The following ITGA2 variants were observed in gnomAD, a reference collection of about 807,000 sequenced individuals.
ITGA2 encodes integrin alpha-2.
In ITGA2, 101 loss-of-function variants were observed where a neutral mutation model predicts 146.3. The observed-to-expected ratio is 0.69, with a 90% CI of 0.59 to 0.81. The LOEUF is 0.81. Ranked by LOEUF, ITGA2 falls within the 40% of genes least tolerant of loss-of-function variation. The pLI, the probability that ITGA2 is intolerant of heterozygous loss-of-function variation, is 0.00. For missense variants in ITGA2, 1,281 were observed against 1,402.7 expected (o/e 0.91, Z 1.39); for synonymous variants, 477 against 487.1 (o/e 0.98, Z 0.27).
chr5:53,044,080 A>G (rs1579842847), intron 3 of ITGA2, among the ~76,000 whole-genome samples: 1 of 151,560 alleles, frequency 6.6e-6, no homozygotes, highest in Non-Finnish European at 1.5e-5. Context: ...TTCAAGACCA[A>G]CCTGGGCAAC....
chr5:53,055,910 A>C, intron 8 of ITGA2, 74 bp from the exon 9 acceptor site: 2 of 1,436,994 alleles, frequency 1.4e-6, no homozygotes, highest in Admixed American at 1.8e-5. Context: ...ATTGTGTTCA[A>C]AATAGGCTAG....
At chr5:52,999,374 G>A (rs1243004926) in intron 1 of ITGA2, among the ~76,000 whole-genome samples, 5 of 151,976 alleles carry the variant, frequency 3.3e-5, no homozygotes, top group African/African-American at 1.2e-4. Context: ...TGCATAAAAG[G>A]TAAATGTACA....
At chr5:53,065,201 C>A (rs1476273063) in intron 14 of ITGA2, 86 bp downstream of exon 14, 3 of 1,306,312 alleles carry the variant, frequency 2.3e-6, no homozygotes, top group South Asian at 2.4e-5. Flanking sequence ...CCATGCAATC[C>A]GTCCGCCTTA....
At chr5:53,047,016 T>G (rs1470035385) in intron 4 of ITGA2, among the ~76,000 whole-genome samples, 1 of 152,208 alleles carries the variant, frequency 6.6e-6, no homozygotes, top group African/African-American at 2.4e-5. Context: ...TTAGTATCTG[T>G]TATTTGGTAA....
intron 23 of ITGA2, 123 bp from the exon 24 acceptor site, chr5:53,078,649 C>T: frequency 3.0e-6 from 2 of 668,888 alleles, no homozygotes; most frequent in Non-Finnish European, 5.3e-6. Context: ...TTATTTGGTG[C>T]TTTTGTAACT....
At chr5:53,071,627 G>T (rs1745403050) in intron 17 of ITGA2, among the ~76,000 whole-genome samples, 1 of 151,780 alleles carries the variant, frequency 6.6e-6, no homozygotes, top group South Asian at 2.1e-4. Context: ...AAATGTTAGG[G>T]TTTCATTTGT....
chr5:53,053,104 G>A (rs1232960471), intron 7 of ITGA2, among the ~76,000 whole-genome samples: 1 of 152,076 alleles, frequency 6.6e-6, no homozygotes, highest in Non-Finnish European at 1.5e-5. Context: ...TAAAAATTTG[G>A]TTTCCTTTAT....
chr5:53,068,218 A>T (rs572443354), intron 16 of ITGA2, among the ~76,000 whole-genome samples: 4 of 152,018 alleles, frequency 2.6e-5, no homozygotes, highest in Non-Finnish European at 2.9e-5. Context: ...ATTAGATTCA[A>T]ATCTTAACAT....
intron 2 of ITGA2, among the ~76,000 whole-genome samples, chr5:53,035,995 A>G (rs537839558): frequency 5.3e-5 from 8 of 152,190 alleles, no homozygotes; most frequent in Admixed American, 5.2e-4. Flanking sequence ...GGTAGTGACT[A>G]GTTTCTTTTA....
chr5:52,996,138 G>C (rs779909754), intron 1 of ITGA2, among the ~76,000 whole-genome samples: 1 of 152,144 alleles, frequency 6.6e-6, no homozygotes, highest in East Asian at 1.9e-4. Flanking sequence ...AAAGGGAGGA[G>C]AGAGTAGCAA....
intron 1 of ITGA2, among the ~76,000 whole-genome samples, chr5:53,026,044 A>G (rs1742930338): frequency 6.6e-6 from 1 of 152,216 alleles, no homozygotes; most frequent in Admixed American, 6.5e-5. Flanking sequence ...GCATTTCTCA[A>G]TCATTCAGAA....
At chr5:53,032,198 C>T (rs1212884503) in intron 2 of ITGA2, among the ~76,000 whole-genome samples, 2 of 152,046 alleles carry the variant, frequency 1.3e-5, no homozygotes, top group Non-Finnish European at 2.9e-5. Flanking sequence ...TATATATGAG[C>T]TTATAGTTTT....
chr5:53,049,745 G>C (rs1047703388), intron 6 of ITGA2, among the ~76,000 whole-genome samples: 1 of 151,806 alleles, frequency 6.6e-6, no homozygotes, highest in African/African-American at 2.4e-5. Flanking sequence ...AGCCATTCTG[G>C]TTGTAGCAGT....
At chr5:52,992,258 A>G (rs1740998317) in intron 1 of ITGA2, among the ~76,000 whole-genome samples, 1 of 151,808 alleles carries the variant, frequency 6.6e-6, no homozygotes. Flanking sequence ...TCTCCTTCAC[A>G]GGCTCTTTCC....
chr5:53,082,232 C>G (rs1745956506), intron 26 of ITGA2, among the ~76,000 whole-genome samples: 1 of 152,142 alleles, frequency 6.6e-6, no homozygotes, highest in South Asian at 2.1e-4. Context: ...TGGCATGGTG[C>G]TCGGCACATA....
intron 1 of ITGA2, among the ~76,000 whole-genome samples, chr5:53,024,140 T>C (rs1742820756): frequency 1.3e-5 from 2 of 152,180 alleles, no homozygotes; most frequent in Admixed American, 1.3e-4. Context: ...CATTTAGCCT[T>C]CATGAGTTTC....
chr5:53,062,712 A>G (rs1744953800), intron 12 of ITGA2, 74 bp from the exon 13 acceptor site: 1 of 1,493,088 alleles, frequency 6.7e-7, no homozygotes, highest in Admixed American at 1.7e-5. Context: ...TGAATGAGCA[A>G]GTAAATGTTC....
In ITGA2 at chr5:53,078,825, T is replaced by A; in HGVS notation, c.2879T>A (p.Ile960Asn). The stretch of plus-strand genomic sequence containing the variant: ...TCTTCGGATGGGAATGTTCCTTCAA[T>A]CGTGCACAGTTTTGAAGATGTTGGT... ...EISSDGNVPS[I>N]VHSFEDVGPK... The change falls in exon 24 of 30, where the codon ATC (isoleucine) becomes AAC (asparagine). Residue 960 changes from isoleucine to asparagine, a missense_variant. Coordinates refer to ENST00000296585, the MANE Select transcript of ITGA2 (RefSeq NM_002203.4). 1 of 1,612,164 alleles carries A rather than the reference T, an allele frequency of 6.2e-7. No homozygotes were observed. The highest frequency in any genetic ancestry group is 1.3e-5 in the African/African-American group (1 of 74,958).
chr5:53,004,894 GTT>G (rs548541753), intron 1 of ITGA2, among the ~76,000 whole-genome samples: 15 of 55,942 alleles, frequency 2.7e-4, no homozygotes, highest in Non-Finnish European at 2.9e-4. Flanking sequence ...TAGTTGCTTT[GTT>G]TTTTTTTTTT....
Sources: gnomAD v4.1 joint callset for allele counts (sites outside exome capture counted in the v4.1 genomes callset) on GRCh38, gnomAD v4.1.1 for gene constraint, MANE v1.5 for transcripts, NCBI Gene and HGNC (gene_info 2026-07-23, HGNC 2026-07-21) for gene names.